The following ATRNL1 variants were observed in gnomAD, a reference collection of about 807,000 sequenced individuals.
The protein encoded by ATRNL1 is attractin like 1.
ATRNL1 carries 95 observed loss-of-function variants against 182.7 expected under a neutral mutation model. The ratio of observed to expected loss-of-function variants is 0.52; its 90% CI spans 0.44 to 0.62. The LOEUF is 0.62. Among genes scored for constraint, ATRNL1 ranks in the 20% least tolerant of loss-of-function variants. The probability of loss-of-function intolerance (pLI) is 0.00; values close to 1 mark genes in which losing one functional copy is unlikely to be tolerated. For missense variants in ATRNL1, 1,471 were observed against 1,679.5 expected (o/e 0.88, Z 2.17); for synonymous variants, 576 against 568.3 (o/e 1.01, Z -0.19).
At chr10:115,096,858 T>C in intron 1 of ATRNL1, 2 of 1,097,930 alleles carry the variant, frequency 1.8e-6, no homozygotes, top group Non-Finnish European at 2.2e-6. Context: ...AAAGGAACAT[T>C]GATTTTTCAC....
chr10:115,430,424 T>C (rs1193881950), intron 21 of ATRNL1, among the ~76,000 whole-genome samples: 2 of 152,100 alleles, frequency 1.3e-5, no homozygotes, highest in Admixed American at 1.3e-4. Context: ...AAATTATCAT[T>C]TTTTTACAGA....
intron 1 of ATRNL1, chr10:115,096,558 C>T (rs1045181389): frequency 1.4e-5 from 10 of 714,150 alleles, no homozygotes; most frequent in Non-Finnish European, 2.1e-5. Context: ...TACAAACAGA[C>T]ATTAAAAATG....
chr10:115,599,842 T>C (rs1340481744), intron 26 of ATRNL1, among the ~76,000 whole-genome samples: 2 of 152,144 alleles, frequency 1.3e-5, no homozygotes, highest in African/African-American at 4.8e-5. Context: ...ATATAACATA[T>C]ACAATAACGC....
chr10:115,233,477 A>T (rs1414212149), intron 9 of ATRNL1, among the ~76,000 whole-genome samples: 8 of 152,116 alleles, frequency 5.3e-5, no homozygotes, highest in Non-Finnish European at 1.5e-5. Context: ...ACAAATAATG[A>T]CAGTTTTGTT....
At chr10:115,740,940 T>C (rs1334439040) in intron 27 of ATRNL1, among the ~76,000 whole-genome samples, 1 of 152,116 alleles carries the variant, frequency 6.6e-6, no homozygotes, top group African/African-American at 2.4e-5. Flanking sequence ...ATTTCTTGAT[T>C]TTTTTACTCA....
intron 25 of ATRNL1, among the ~76,000 whole-genome samples, chr10:115,534,851 C>T: frequency 6.6e-6 from 1 of 151,344 alleles, no homozygotes. Context: ...TATTTTATTT[C>T]TTCTTCACTT....
intron 20 of ATRNL1, among the ~76,000 whole-genome samples, chr10:115,416,696 A>G (rs1291753974): frequency 2.6e-5 from 4 of 152,332 alleles, no homozygotes; most frequent in African/African-American, 7.2e-5. Context: ...TAAAATTTCA[A>G]CCATTCCTTT....
chr10:115,195,846 T>C (rs1372642355), intron 8 of ATRNL1, among the ~76,000 whole-genome samples: 1 of 152,070 alleles, frequency 6.6e-6, no homozygotes, highest in Admixed American at 6.6e-5. Flanking sequence ...TGTCTGTACT[T>C]TTTGTATTCT....
chr10:115,737,706 A>G (rs1275010558), intron 27 of ATRNL1, among the ~76,000 whole-genome samples: 12 of 152,064 alleles, frequency 7.9e-5, no homozygotes, highest in African/African-American at 2.9e-4. Context: ...CAAGCCATCC[A>G]TTTCCTACAG....
Position 115,536,392 on chromosome 10 carries a change from C to T in ATRNL1, c.3717-13066C>T, listed in dbSNP as rs1470423061. Among the ~76,000 whole-genome samples the T allele has an allele frequency of 7.2e-5, 11 of 152,174 alleles. No homozygotes were observed. In the South Asian group the frequency reaches 2.1e-3, roughly 29 times the overall value. ...GCTGTGCTAGCAATCAGTGAGACTCCGTGGGCGTAGGACCCTCCGAGCCAG... is the reference window on the plus strand; with the variant it reads ...GCTGTGCTAGCAATCAGTGAGACTCTGTGGGCGTAGGACCCTCCGAGCCAG... On this transcript the variant is annotated intron_variant, in intron 25 of 28. Coordinates refer to ENST00000355044, the MANE Select transcript of ATRNL1 (RefSeq NM_207303.4).
At chr10:115,688,823 C>T (rs573628369) in intron 26 of ATRNL1, among the ~76,000 whole-genome samples, 4 of 151,990 alleles carry the variant, frequency 2.6e-5, no homozygotes, top group African/African-American at 9.7e-5. Context: ...AGTATTATCC[C>T]CCCTTTTTTA....
chr10:115,218,507 C>G (rs564692299), intron 9 of ATRNL1, among the ~76,000 whole-genome samples: 1 of 152,304 alleles, frequency 6.6e-6, no homozygotes, highest in East Asian at 1.9e-4. Context: ...GTCGCGTATC[C>G]ATTCCTTCCC....
At chr10:115,580,020 A>G (rs138226098) in intron 26 of ATRNL1, among the ~76,000 whole-genome samples, 1 of 152,102 alleles carries the variant, frequency 6.6e-6, no homozygotes, top group East Asian at 1.9e-4. Flanking sequence ...CACATTATAC[A>G]CTGCTGATGT....
intron 21 of ATRNL1, among the ~76,000 whole-genome samples, chr10:115,426,956 C>A (rs1554963042): frequency 6.6e-6 from 1 of 152,146 alleles, no homozygotes; most frequent in African/African-American, 2.4e-5. Flanking sequence ...AACTCCTGAC[C>A]TCATGATCCG....
At chr10:115,116,607 A>G (rs1277402821) in intron 1 of ATRNL1, among the ~76,000 whole-genome samples, 4 of 152,076 alleles carry the variant, frequency 2.6e-5, no homozygotes, top group Admixed American at 1.3e-4. Context: ...TTGGAGTTTA[A>G]GAAGAGATCA....
At chr10:115,747,209 G>A (rs1426486615) in intron 27 of ATRNL1, among the ~76,000 whole-genome samples, 1 of 152,060 alleles carries the variant, frequency 6.6e-6, no homozygotes, top group Admixed American at 6.6e-5. Context: ...ATTGATAACA[G>A]CTTTGGGTTC....
chr10:115,431,444 A>G (rs1846160762), intron 21 of ATRNL1, among the ~76,000 whole-genome samples: 1 of 151,538 alleles, frequency 6.6e-6, no homozygotes, highest in African/African-American at 2.4e-5. Flanking sequence ...TAATATTCCA[A>G]TTTCTTCTTC....
chr10:115,573,351 A>G (rs868932025), intron 26 of ATRNL1, among the ~76,000 whole-genome samples: 2 of 151,458 alleles, frequency 1.3e-5, no homozygotes, highest in Non-Finnish European at 2.9e-5. Flanking sequence ...TTTCTCCCCT[A>G]CATTGTTCCA....
intron 8 of ATRNL1, among the ~76,000 whole-genome samples, chr10:115,206,727 T>G (rs544749048): frequency 2.1e-3 from 314 of 152,312 alleles, no homozygotes; most frequent in Middle Eastern, 0.01. Flanking sequence ...AGGGTACATG[T>G]GCACAACGTG....
Sources: gnomAD v4.1 joint callset for allele counts (sites outside exome capture counted in the v4.1 genomes callset) on GRCh38, gnomAD v4.1.1 for gene constraint, MANE v1.5 for transcripts, NCBI Gene and HGNC (gene_info 2026-07-23, HGNC 2026-07-21) for gene names.